PRELID2: variants seen among roughly 807,000 people sequenced by gnomAD.
The protein encoded by PRELID2 is PRELI domain-containing protein 2.
Under a neutral mutation model 28.4 loss-of-function variants are expected in PRELID2, and 25 were observed. The ratio of observed to expected loss-of-function variants is 0.88; its 90% confidence interval spans 0.64 to 1.23. PRELID2 has a LOEUF of 1.23. Among genes scored for constraint, PRELID2 ranks in the 50% most tolerant of loss-of-function variants. PRELID2 has a pLI of 0.00. For missense variants in PRELID2, 201 were observed against 214.4 expected (o/e 0.94, Z 0.39); for synonymous variants, 76 against 71.6 (o/e 1.06, Z -0.31).
chr5:145,832,485 G>C (rs138406222), intron 1 of PRELID2, among the ~76,000 whole-genome samples: 1 of 151,962 alleles, frequency 6.6e-6, no homozygotes, highest in Non-Finnish European at 1.5e-5. Flanking sequence ...GTGCCCAGCC[G>C]GCAAAGTTGA....
At chr5:145,527,807 A>G (rs1287289840) in intron 1 of PRELID2, among the ~76,000 whole-genome samples, 1 of 152,320 alleles carries the variant, frequency 6.6e-6, no homozygotes, top group East Asian at 1.9e-4. Context: ...ATGGGATTTC[A>G]TAATAATTAA....
intron 1 of PRELID2, among the ~76,000 whole-genome samples, chr5:145,491,250 T>G (rs561441753): frequency 1.3e-5 from 2 of 152,272 alleles, no homozygotes; most frequent in South Asian, 4.1e-4. Flanking sequence ...TGGTGCCTGG[T>G]AAGGCTATGC....
At chr5:145,805,597 C>T (rs1753444551) in intron 4 of PRELID2, among the ~76,000 whole-genome samples, 1 of 152,116 alleles carries the variant, frequency 6.6e-6, no homozygotes, top group Non-Finnish European at 1.5e-5. Flanking sequence ...CAACTCAAAA[C>T]AACTCAAAGG....
chr5:145,747,788 C>G (rs1010291431), intron 1 of PRELID2, among the ~76,000 whole-genome samples: 8 of 152,190 alleles, frequency 5.3e-5, no homozygotes, highest in Non-Finnish European at 1.2e-4. Flanking sequence ...AATCCAGCAG[C>G]ACATCAAAAA....
intron 1 of PRELID2, among the ~76,000 whole-genome samples, chr5:145,643,582 C>G (rs1399267187): frequency 6.6e-6 from 1 of 152,088 alleles, no homozygotes; most frequent in African/African-American, 2.4e-5. Context: ...GGCATTCTTG[C>G]CTTGTGCAGG....
chr5:145,298,050 T>G, the PRELID2 span, among the ~76,000 whole-genome samples: 8 of 152,070 alleles, frequency 5.3e-5, no homozygotes, highest in Non-Finnish European at 7.4e-5. Context: ...CTGCCCAAGG[T>G]AATTTATAGA....
intron 5 of PRELID2, among the ~76,000 whole-genome samples, chr5:145,767,030 G>T (rs1329600872): frequency 6.6e-6 from 1 of 152,202 alleles, no homozygotes; most frequent in East Asian, 1.9e-4. Context: ...CCTGGTGAGG[G>T]CCACACCCTC....
chr5:145,580,840 T>C (rs116377362), intron 1 of PRELID2, among the ~76,000 whole-genome samples: 2,384 of 152,176 alleles, frequency 0.016, 23 homozygotes, highest in Middle Eastern at 0.031. Flanking sequence ...TTACTGGAGC[T>C]AGCTATTAGC....
chr5:145,445,662 G>A, the PRELID2 span, among the ~76,000 whole-genome samples: 1 of 151,760 alleles, frequency 6.6e-6, no homozygotes, highest in Admixed American at 6.6e-5. Context: ...AGGTGCTCAA[G>A]CAACTCAACA....
chr5:145,796,532 T>C lies in PRELID2; in HGVS notation c.384A>G (p.Gln128=), dbSNP rs775340731. The change falls in exon 5 of 7, where the codon CAA becomes CAG. Residue 128 remains glutamine (Q), a synonymous_variant. Coordinates refer to ENST00000683046, the MANE Select transcript of PRELID2 (RefSeq NM_205846.3). ...CCCCTGTGATTGAAATCCTGCCTCT[T>C]TGAATGAACTCTGTCCTGCAAAAAA... is the stretch of plus-strand genomic sequence containing the variant. The part of the protein sequence containing the change: ...MENPNWTEFI[Q]RGRISITGVG... 1.2e-6 allele frequency: 2 copies of C among 1,606,410 alleles called. No individual in the cohort carries two copies. The highest frequency in any genetic ancestry group is 2.2e-5 in the South Asian group (2 of 90,160).
At chr5:145,346,139 T>C in the PRELID2 span, among the ~76,000 whole-genome samples, 2 of 152,158 alleles carry the variant, frequency 1.3e-5, no homozygotes, top group Non-Finnish European at 2.9e-5. Flanking sequence ...TGTTTATTCA[T>C]CTGTGAAGCA....
intron 1 of PRELID2, among the ~76,000 whole-genome samples, chr5:145,660,042 T>C (rs1581034665): frequency 6.6e-6 from 1 of 152,162 alleles, no homozygotes; most frequent in East Asian, 1.9e-4. Context: ...TTGAGCACTT[T>C]ATCATTTTCA....
At chr5:145,654,882 T>C (rs1269841113) in intron 1 of PRELID2, among the ~76,000 whole-genome samples, 2 of 152,160 alleles carry the variant, frequency 1.3e-5, no homozygotes, top group South Asian at 4.1e-4. Flanking sequence ...CAACATAGTG[T>C]TGGAAATTCT....
intron 5 of PRELID2, among the ~76,000 whole-genome samples, chr5:145,770,009 T>A (rs1758006141): frequency 6.6e-6 from 1 of 152,150 alleles, no homozygotes; most frequent in Admixed American, 6.5e-5. Context: ...GCTGAAAAAA[T>A]CCTATCACCT....
intron 1 of PRELID2, among the ~76,000 whole-genome samples, chr5:145,648,404 A>C: frequency 6.7e-6 from 1 of 149,394 alleles, no homozygotes; most frequent in South Asian, 2.1e-4. Context: ...TTTAAATAAT[A>C]AATAATAAAA....
the PRELID2 span, among the ~76,000 whole-genome samples, chr5:145,419,218 G>A: frequency 6.7e-6 from 1 of 148,636 alleles, no homozygotes; most frequent in Non-Finnish European, 1.5e-5. Context: ...ATAGCAGCAT[G>A]ATTTATAGTC....
chr5:145,480,464 C>G (rs1752147783), intron 1 of PRELID2, among the ~76,000 whole-genome samples: 1 of 152,064 alleles, frequency 6.6e-6, no homozygotes, highest in African/African-American at 2.4e-5. Flanking sequence ...TCAAAACCTT[C>G]ATTGTGCTAT....
chr5:145,510,358 T>C (rs1752450526), intron 1 of PRELID2, among the ~76,000 whole-genome samples: 1 of 152,202 alleles, frequency 6.6e-6, no homozygotes, highest in African/African-American at 2.4e-5. Context: ...TTGACATTGT[T>C]TTTTAATGGG....
chr5:145,412,135 T>G, the PRELID2 span, among the ~76,000 whole-genome samples: 1 of 152,152 alleles, frequency 6.6e-6, no homozygotes, highest in African/African-American at 2.4e-5. Flanking sequence ...TTTTCCCCAT[T>G]GTCTTGGTGA....
Sources: gnomAD v4.1 joint callset for allele counts (sites outside exome capture counted in the v4.1 genomes callset) on GRCh38, gnomAD v4.1.1 for gene constraint, MANE v1.5 for transcripts, NCBI Gene and HGNC (gene_info 2026-07-23, HGNC 2026-07-21) for gene names.